WASF1: variants seen among roughly 807,000 people sequenced by gnomAD.
WASF1 encodes actin-binding protein WASF1.
WASF1 carries 7 observed loss-of-function variants against 50.5 expected under a neutral mutation model. The observed-to-expected ratio is 0.14, with a 90% CI of 0.08 to 0.26. The LOEUF (loss-of-function observed/expected upper bound fraction) is 0.26. WASF1 is among the 10% of genes least tolerant of loss of function. The pLI is 1.00. For missense variants in WASF1, 470 were observed against 694.7 expected (o/e 0.68, Z 3.64); for synonymous variants, 205 against 244.0 (o/e 0.84, Z 1.49).
intron 2 of WASF1, among the ~76,000 whole-genome samples, chr6:110,176,940 CATA>C (rs1174433442): frequency 6.6e-6 from 1 of 152,050 alleles, no homozygotes; most frequent in Non-Finnish European, 1.5e-5. Context: ...GTGCTAATAA[CATA>C]ATCTTTTGAT....
intron 4 of WASF1, among the ~76,000 whole-genome samples, chr6:110,115,979 T>A (rs1018034759): frequency 2.6e-5 from 4 of 152,072 alleles, no homozygotes; most frequent in African/African-American, 9.7e-5. Flanking sequence ...ACCAGAGGAA[T>A]TAACAGAAGA....
chr6:110,100,998 ATAAAT>A (rs1279408035), intron 10 of WASF1, among the ~76,000 whole-genome samples: 1 of 152,208 alleles, frequency 6.6e-6, no homozygotes, highest in East Asian at 1.9e-4. Context: ...CAATGGTCAA[ATAAAT>A]TAAACATTGT....
At chr6:110,166,392 T>C (rs1429025646) in intron 2 of WASF1, among the ~76,000 whole-genome samples, 1 of 151,818 alleles carries the variant, frequency 6.6e-6, no homozygotes, top group African/African-American at 2.4e-5. Flanking sequence ...GTACAGTCTT[T>C]ACCAAGACTA....
intron 4 of WASF1, among the ~76,000 whole-genome samples, chr6:110,126,461 G>A (rs1232095526): frequency 6.6e-6 from 1 of 152,060 alleles, no homozygotes. Flanking sequence ...TGTTGCTCTC[G>A]CTACAGGTAT....
chr6:110,171,141 G>A (rs896815881), intron 2 of WASF1, among the ~76,000 whole-genome samples: 44 of 152,152 alleles, frequency 2.9e-4, no homozygotes, highest in South Asian at 8.3e-4. Context: ...TTATTCTCAA[G>A]CTCACATAAG....
At chr6:110,160,601 G>A (rs538984941) in intron 3 of WASF1, 34 bp downstream of exon 3, 1 of 151,812 alleles carries the variant, frequency 6.6e-6, no homozygotes, top group African/African-American at 2.4e-5. Flanking sequence ...GCTATCAGGA[G>A]TTGCCATTGA....
At chr6:110,134,091 A>G (rs1438769570) in intron 3 of WASF1, among the ~76,000 whole-genome samples, 2 of 151,616 alleles carry the variant, frequency 1.3e-5, no homozygotes, top group Non-Finnish European at 2.9e-5. Flanking sequence ...CTAATTTTGT[A>G]TTTTTAGTAG....
At chr6:110,117,981 C>T (rs1323832900) in intron 4 of WASF1, among the ~76,000 whole-genome samples, 1 of 152,098 alleles carries the variant, frequency 6.6e-6, no homozygotes, top group Non-Finnish European at 1.5e-5. Flanking sequence ...TTTGTCACCA[C>T]AAGGCCTGCC....
In WASF1 at chr6:110,100,559, T is replaced by C. The variant is rs1773035486; in HGVS notation, c.1643A>G (p.Asp548Gly). 1.9e-6 allele frequency: 3 copies of C among 1,613,032 alleles called. No individual in the cohort carries two copies. The highest frequency in any genetic ancestry group is 2.5e-6 in the Non-Finnish European group (3 of 1,179,638). Residue 548 changes from aspartate (D) to glycine (G), a missense_variant, in exon 11 of 11, where the codon GAT becomes GGT. Physicochemically the swap from Asp to Gly is moderately conservative, Grantham distance 94. This residue lies in a region of WASF1 where 36 missense variants were observed against 90.7 expected (regional missense o/e 0.40). Coordinates refer to ENST00000392589, the MANE Select transcript of WASF1 (RefSeq NM_003931.3). ...ATCTACTTCATCAAATTCTGAATCA[T>C]CTTCCGAATCACTATATTCAACAGC... Reference protein sequence around the residue: ...RIAVEYSDSEDDSEFDEVDWL... With the variant: ...RIAVEYSDSEGDSEFDEVDWL...
chr6:110,149,484 T>TA (rs71729607), intron 3 of WASF1, among the ~76,000 whole-genome samples: 5,041 of 103,094 alleles, frequency 0.049, 150 homozygotes, highest in African/African-American at 0.099. Flanking sequence ...GACTCTGTCT[T>TA]AAAAAAAAAA....
intron 3 of WASF1, among the ~76,000 whole-genome samples, chr6:110,133,933 C>T (rs200650264): frequency 6.6e-6 from 1 of 152,106 alleles, no homozygotes; most frequent in East Asian, 1.9e-4. Flanking sequence ...GAACTGTTTG[C>T]CTAAGCCAAT....
At chr6:110,116,737 C>A (rs1284022769) in intron 4 of WASF1, among the ~76,000 whole-genome samples, 2 of 152,060 alleles carry the variant, frequency 1.3e-5, no homozygotes, top group Non-Finnish European at 2.9e-5. Context: ...GGGTCCCTGA[C>A]CCCCGTGTAG....
At chr6:110,159,918 A>G (rs545246893) in intron 3 of WASF1, among the ~76,000 whole-genome samples, 1 of 151,968 alleles carries the variant, frequency 6.6e-6, no homozygotes, top group East Asian at 1.9e-4. Context: ...TGGATTAGGG[A>G]TGCTCAACCT....
At chr6:110,137,656 C>T (rs1775029151) in intron 3 of WASF1, among the ~76,000 whole-genome samples, 1 of 152,190 alleles carries the variant, frequency 6.6e-6, no homozygotes, top group African/African-American at 2.4e-5. Context: ...TTCTTCACTG[C>T]TGATTTTCAT....
intron 4 of WASF1, among the ~76,000 whole-genome samples, chr6:110,124,235 CCTCTCTCTCT>C (rs10684587): frequency 6.3e-4 from 7 of 11,030 alleles, no homozygotes; most frequent in South Asian, 0.016. Context: ...TCCTCTCTCT[CCTCTCTCTCT>C]CTCTCTCTCT....
chr6:110,136,154 G>A (rs7771909), intron 3 of WASF1, among the ~76,000 whole-genome samples: 10,925 of 152,106 alleles, frequency 0.072, 548 homozygotes, highest in African/African-American at 0.14. Context: ...AAAGTGCTGG[G>A]ACTACAGGCA....
intron 3 of WASF1, among the ~76,000 whole-genome samples, chr6:110,159,322 T>A (rs1329018490): frequency 6.6e-6 from 1 of 151,884 alleles, no homozygotes; most frequent in Non-Finnish European, 1.5e-5. Context: ...AAAAACAGTC[T>A]GTTGAGTTAA....
At chr6:110,143,125 C>T (rs1443198461) in intron 3 of WASF1, among the ~76,000 whole-genome samples, 5 of 151,670 alleles carry the variant, frequency 3.3e-5, no homozygotes, top group Non-Finnish European at 7.4e-5. Context: ...TTAAGAATAA[C>T]TTAGCTAAAA....
chr6:110,148,298 A>C (rs755980937), intron 3 of WASF1, among the ~76,000 whole-genome samples: 1 of 152,168 alleles, frequency 6.6e-6, no homozygotes, highest in Non-Finnish European at 1.5e-5. Flanking sequence ...CTGTGTGCCA[A>C]GTGCTAAAGA....
Sources: allele counts gnomAD v4.1 joint callset (sites outside exome capture counted in the v4.1 genomes callset), GRCh38; gene constraint gnomAD v4.1.1; regional missense constraint gnomAD v4.1.1; transcripts MANE v1.5; gene names NCBI Gene and HGNC (gene_info 2026-07-23, HGNC 2026-07-21).